PCDHA3: variants seen among roughly 807,000 people sequenced by gnomAD.
PCDHA3 encodes the protein protocadherin alpha-3.
Under a neutral mutation model 62.2 loss-of-function variants are expected in PCDHA3, and 41 were observed. The observed-to-expected ratio is 0.66, with a 90% CI of 0.51 to 0.86. PCDHA3 has a LOEUF of 0.86. PCDHA3 is among the 40% of genes least tolerant of loss of function. The pLI is 0.00. For missense variants in PCDHA3, 1,304 were observed against 1,241.2 expected (o/e 1.05, Z -0.76); for synonymous variants, 640 against 555.4 (o/e 1.15, Z -2.14).
chr5:140,823,816 G>A (rs1447346470), intron 1 of PCDHA3: 1 of 1,613,806 alleles, frequency 6.2e-7, no homozygotes, highest in Admixed American at 1.7e-5. Context: ...CTCATCGCGG[G>A]CGTCGGCGGG....
chr5:140,892,763 C>G (rs1365366300), intron 1 of PCDHA3, among the ~76,000 whole-genome samples: 12 of 152,298 alleles, frequency 7.9e-5, no homozygotes, highest in Middle Eastern at 3.4e-3. Context: ...TTAAAATCCA[C>G]TCTTCTAGCT....
chr5:140,952,006 T>C (rs2094672029), intron 1 of PCDHA3, among the ~76,000 whole-genome samples: 1 of 152,184 alleles, frequency 6.6e-6, no homozygotes, highest in African/African-American at 2.4e-5. Context: ...GAAAGAATTA[T>C]AGGCCCCATG....
intron 1 of PCDHA3, chr5:140,877,451 C>G (rs782361627): frequency 6.2e-7 from 1 of 1,613,790 alleles, no homozygotes; most frequent in East Asian, 2.2e-5. Flanking sequence ...CCCGCGCTGA[C>G]GTCCACGGCC....
At chr5:140,862,837 A>T (rs1562571150) in intron 1 of PCDHA3, 1 of 575,832 alleles carries the variant, frequency 1.7e-6, no homozygotes, top group African/African-American at 1.9e-5. Context: ...CGACGCGGGC[A>T]TGCCGCCTCT....
chr5:140,875,834 T>C (rs1562703586), intron 1 of PCDHA3: 2 of 1,613,958 alleles, frequency 1.2e-6, no homozygotes, highest in Non-Finnish European at 1.7e-6. Context: ...CATGTGGACG[T>C]GGAGGTGAAG....
In PCDHA3 at chr5:140,830,129, T is replaced by A. The variant is rs2150181526; in HGVS notation, c.2394+26538T>A. 13 of 1,613,250 alleles carry A rather than the reference T, an allele frequency of 8.1e-6. No homozygotes were observed. In the African/African-American group the frequency reaches 1.7e-4, roughly 22 times the overall value. On this transcript the variant is annotated intron_variant, in intron 1 of 3. Transcript: ENST00000522353. ...GAGTGGCCAGGCTCCAAAGGCGTCA[T>A]CACGGGCGTCGGTGGGCGCCGCGGG...
chr5:141,003,425 C>A (rs1344914063), intron 3 of PCDHA3, among the ~76,000 whole-genome samples: 1 of 152,138 alleles, frequency 6.6e-6, no homozygotes, highest in Non-Finnish European at 1.5e-5. Context: ...GATTCTTATG[C>A]CTCAGCCTCC....
intron 1 of PCDHA3, among the ~76,000 whole-genome samples, chr5:140,920,083 G>A (rs536573725): frequency 3.3e-5 from 5 of 152,260 alleles, no homozygotes; most frequent in East Asian, 1.9e-4. Flanking sequence ...CAGATTCTCC[G>A]TAGAGCCTCT....
At chr5:140,879,141 G>T (rs1413837977) in intron 1 of PCDHA3, among the ~76,000 whole-genome samples, 1 of 152,192 alleles carries the variant, frequency 6.6e-6, no homozygotes, top group Non-Finnish European at 1.5e-5. Flanking sequence ...GATTGTGAAG[G>T]CAGGAAAGCT....
chr5:140,939,701 T>C (rs782486336), intron 1 of PCDHA3, among the ~76,000 whole-genome samples: 2 of 152,210 alleles, frequency 1.3e-5, no homozygotes, highest in Non-Finnish European at 2.9e-5. Context: ...GACATTATCA[T>C]TTGTGAGATA....
intron 1 of PCDHA3, chr5:140,967,799 A>G: frequency 1.2e-6 from 2 of 1,614,190 alleles, no homozygotes; most frequent in Non-Finnish European, 1.7e-6. Context: ...TCCAGTGCCC[A>G]TGGCAGGTCA....
intron 1 of PCDHA3, chr5:140,859,371 T>A: frequency 3.8e-6 from 1 of 264,536 alleles, no homozygotes; most frequent in Non-Finnish European, 6.9e-6. Flanking sequence ...TTGTATAGTT[T>A]AATAGCTTCT....
chr5:140,883,511 C>T (rs782295526), intron 1 of PCDHA3: 22 of 1,614,068 alleles, frequency 1.4e-5, no homozygotes, highest in Non-Finnish European at 1.8e-5. Flanking sequence ...CGCCCTGGAC[C>T]GCGAGAGCGT....
chr5:140,801,449 G>A lies in PCDHA3; in HGVS notation c.252G>A (p.Leu84=). 2 of 1,614,004 alleles carry A rather than the reference G, an allele frequency of 1.2e-6. No homozygotes were observed. Among genetic ancestry groups the A allele is most frequent in the South Asian group, 1.1e-5 (1 of 91,074 alleles). Residue 84 remains leucine, a synonymous_variant, in exon 1 of 4, where the codon TTG becomes TTA. Coordinates refer to ENST00000522353, the MANE Select transcript of PCDHA3 (RefSeq NM_018906.3). ...AGGTAAATCTGCAGAATGGCATTTT[G>A]TTTGTGAATTCTCGGATAGACCGCG... is the stretch of plus-strand genomic sequence containing the variant. ...LLEVNLQNGI[L]FVNSRIDREE...
intron 1 of PCDHA3, chr5:140,807,130 G>A: frequency 6.4e-7 from 1 of 1,557,158 alleles, no homozygotes; most frequent in South Asian, 1.2e-5. Flanking sequence ...CCGATTAAAA[G>A]ATTTCCCTTG....
intron 1 of PCDHA3, chr5:140,869,456 A>G (rs782269395): frequency 1.9e-6 from 3 of 1,614,072 alleles, no homozygotes; most frequent in Non-Finnish European, 2.5e-6. Flanking sequence ...CAGGTTTTCC[A>G]TGTGAACGTG....
chr5:140,885,206 A>T (rs1304868227), intron 1 of PCDHA3, among the ~76,000 whole-genome samples: 1 of 152,038 alleles, frequency 6.6e-6, no homozygotes, highest in Admixed American at 6.6e-5. Context: ...CATATATCCC[A>T]TGAAAAATAT....
intron 1 of PCDHA3, chr5:140,862,425 A>T: frequency 2.8e-6 from 1 of 353,460 alleles, no homozygotes; most frequent in Non-Finnish European, 5.6e-6. Context: ...GCTGCCCAGA[A>T]ACTATTCGTT....
chr5:140,954,599 C>T (rs1554221480), intron 1 of PCDHA3, among the ~76,000 whole-genome samples: 1 of 152,042 alleles, frequency 6.6e-6, no homozygotes, highest in East Asian at 1.9e-4. Flanking sequence ...ATGTTCTTTG[C>T]CCACTTTTTA....
Sources: gnomAD v4.1 joint callset for allele counts (sites outside exome capture counted in the v4.1 genomes callset) on GRCh38, gnomAD v4.1.1 for gene constraint, MANE v1.5 for transcripts, NCBI Gene and HGNC (gene_info 2026-07-23, HGNC 2026-07-21) for gene names.